The following NRG3 variants were observed in gnomAD, a reference collection of about 807,000 sequenced individuals.
NRG3 encodes the protein neuregulin 3, also known as pro-neuregulin-3, membrane-bound isoform.
NRG3 carries 31 observed loss-of-function variants against 66.9 expected under a neutral mutation model. The ratio of observed to expected loss-of-function variants is 0.46; its 90% CI spans 0.35 to 0.63. The LOEUF (loss-of-function observed/expected upper bound fraction) is 0.63, where lower values mean the gene tolerates loss of function less well. Ranked by LOEUF, NRG3 falls within the 20% of genes least tolerant of loss-of-function variation. The pLI is 0.00. For synonymous variants in NRG3, 393 were observed against 359.4 expected (o/e 1.09, Z -1.06); for missense variants, 910 against 878.9 (o/e 1.04, Z -0.45).
intron 2 of NRG3, among the ~76,000 whole-genome samples, chr10:82,538,850 ATACTC>A (rs1268985156): frequency 2.1e-4 from 32 of 152,310 alleles, no homozygotes; most frequent in African/African-American, 7.5e-4. Context: ...TAGAGGAACT[ATACTC>A]TAGGTAAGTG....
chr10:82,186,722 C>A (rs909443962), intron 1 of NRG3, among the ~76,000 whole-genome samples: 2 of 152,148 alleles, frequency 1.3e-5, no homozygotes, highest in Non-Finnish European at 2.9e-5. Context: ...CATATTTAGA[C>A]AAACATCTAT....
At chr10:82,003,752 G>A (rs1417443846) in intron 1 of NRG3, among the ~76,000 whole-genome samples, 1 of 152,138 alleles carries the variant, frequency 6.6e-6, no homozygotes, top group Non-Finnish European at 1.5e-5. Context: ...AGTTGCTGAT[G>A]GGAGTGTCTG....
intron 1 of NRG3, among the ~76,000 whole-genome samples, chr10:82,293,533 A>T (rs970784715): frequency 2.0e-5 from 3 of 152,162 alleles, no homozygotes; most frequent in Admixed American, 2.0e-4. Flanking sequence ...TAAATTTCCT[A>T]TGGGAATTGT....
At chr10:82,763,165 T>C (rs1169880969) in intron 3 of NRG3, among the ~76,000 whole-genome samples, 1 of 152,186 alleles carries the variant, frequency 6.6e-6, no homozygotes, top group Admixed American at 6.5e-5. Context: ...AGAATGAATC[T>C]TAGATTGTAT....
intron 2 of NRG3, among the ~76,000 whole-genome samples, chr10:82,448,015 G>A (rs1480185370): frequency 2.6e-5 from 4 of 152,126 alleles, no homozygotes; most frequent in African/African-American, 7.2e-5. Context: ...GGTAAATGAG[G>A]GATGGTGACG....
intron 1 of NRG3, among the ~76,000 whole-genome samples, chr10:81,984,341 C>T (rs1177899978): frequency 1.3e-5 from 2 of 152,174 alleles, no homozygotes; most frequent in East Asian, 1.9e-4. Context: ...ACAATCTGCT[C>T]CCACATACTA....
intron 3 of NRG3, among the ~76,000 whole-genome samples, chr10:82,786,704 C>G (rs1321123879): frequency 6.6e-6 from 1 of 152,044 alleles, no homozygotes; most frequent in African/African-American, 2.4e-5. Context: ...GTTTTCCAAG[C>G]CAGGGGGCAG....
At chr10:82,839,878 A>C (rs1318167042) in intron 3 of NRG3, among the ~76,000 whole-genome samples, 1 of 152,132 alleles carries the variant, frequency 6.6e-6, no homozygotes, top group Non-Finnish European at 1.5e-5. Flanking sequence ...CTGCTGATTT[A>C]TATCTATCTA....
intron 1 of NRG3, among the ~76,000 whole-genome samples, chr10:82,008,089 C>G (rs1359759271): frequency 6.6e-6 from 1 of 152,182 alleles, no homozygotes; most frequent in East Asian, 1.9e-4. Context: ...ATAAAAGTAG[C>G]AAGATCCCAT....
intron 1 of NRG3, among the ~76,000 whole-genome samples, chr10:82,008,743 GA>G (rs1393739584): frequency 2.0e-5 from 3 of 151,894 alleles, no homozygotes; most frequent in Non-Finnish European, 4.4e-5. Flanking sequence ...TTGAATAAAA[GA>G]AAAAAATGTA....
At chr10:82,479,111 G>A (rs773826902) in intron 2 of NRG3, among the ~76,000 whole-genome samples, 8 of 152,210 alleles carry the variant, frequency 5.3e-5, no homozygotes, top group Middle Eastern at 3.4e-3. Flanking sequence ...AAATTAATAG[G>A]AGGTGATGTG....
At chr10:81,969,151 G>T (rs1213585277) in intron 1 of NRG3, among the ~76,000 whole-genome samples, 1 of 152,138 alleles carries the variant, frequency 6.6e-6, no homozygotes, top group Non-Finnish European at 1.5e-5. Flanking sequence ...TGGATCTTCT[G>T]TGTCAGGGAC....
intron 1 of NRG3, among the ~76,000 whole-genome samples, chr10:81,958,146 T>C (rs1850016005): frequency 2.0e-5 from 3 of 152,196 alleles, no homozygotes; most frequent in Non-Finnish European, 2.9e-5. Context: ...CTAAATGATA[T>C]GATAGAATGG....
intron 4 of NRG3, among the ~76,000 whole-genome samples, chr10:82,922,648 A>C (rs1591970141): frequency 6.6e-6 from 1 of 152,132 alleles, no homozygotes; most frequent in Non-Finnish European, 1.5e-5. Context: ...CCATCATAGA[A>C]ACATGTGGTT....
chr10:82,139,025 A>G (rs114806450), intron 1 of NRG3, among the ~76,000 whole-genome samples: 1,699 of 152,224 alleles, frequency 0.011, 31 homozygotes, highest in African/African-American at 0.039. Flanking sequence ...GCATCTTTCA[A>G]TCCAATCAAG....
rs1369389351 is a variant in NRG3, at chr10:82,343,494, C to G, written c.824-15245C>G. ...CCAAAGCAATGTACATATTCAACAC[C>G]ATTTGATTACATTACCAATGTCATT... On this transcript the variant is annotated intron_variant, in intron 1 of 8. Coordinates refer to ENST00000372141, the MANE Select transcript of NRG3 (RefSeq NM_001010848.4). 2.0e-5 allele frequency among the ~76,000 whole-genome samples: 3 copies of G among 151,952 alleles called. No individual in the cohort carries two copies. In the East Asian group the frequency reaches 5.8e-4, roughly 29 times the overall value.
At chr10:82,974,120 GA>G (rs1852025481) in intron 7 of NRG3, among the ~76,000 whole-genome samples, 1 of 151,614 alleles carries the variant, frequency 6.6e-6, no homozygotes, top group Non-Finnish European at 1.5e-5. Flanking sequence ...GCCTCTGTAA[GA>G]AACCTGATAG....
rs568303340 is a variant in NRG3, at chr10:82,662,274, G to A, written c.954-76303G>A. On this transcript the variant is annotated intron_variant, in intron 2 of 8. Transcript: ENST00000372141. Reference sequence around the variant, plus strand: ...GTTGGGGGCAAGAAGTGCCCTGCAGGCTTTGGACTGTTTGTCCACCAGGTA... The same window carrying A: ...GTTGGGGGCAAGAAGTGCCCTGCAGACTTTGGACTGTTTGTCCACCAGGTA... Among the ~76,000 whole-genome samples the A allele has an allele frequency of 3.3e-5, 5 of 151,986 alleles. No homozygotes were observed. The South Asian group carries it at 8.3e-4, about 25-fold the overall frequency.
At chr10:82,320,696 C>T (rs972456819) in intron 1 of NRG3, among the ~76,000 whole-genome samples, 1 of 152,052 alleles carries the variant, frequency 6.6e-6, no homozygotes, top group Admixed American at 6.6e-5. Flanking sequence ...GTCCAAGTTC[C>T]CTGTGATATG....
Sources: allele counts gnomAD v4.1 joint callset (sites outside exome capture counted in the v4.1 genomes callset), GRCh38; gene constraint gnomAD v4.1.1; transcripts MANE v1.5; gene names NCBI Gene and HGNC (gene_info 2026-07-23, HGNC 2026-07-21).